The following NEK1 variants were observed in gnomAD, a reference collection of about 807,000 sequenced individuals.
The protein encoded by NEK1 is NIMA related kinase 1, also known as serine/threonine-protein kinase Nek1.
In NEK1, 137 loss-of-function variants were observed where a neutral mutation model predicts 182.1. That is an observed-to-expected ratio of 0.75 (90% confidence interval 0.65 to 0.87). The LOEUF is 0.87. Ranked by LOEUF, NEK1 falls within the 40% of genes least tolerant of loss-of-function variation. NEK1 has a pLI of 0.00. For missense variants in NEK1, 1,391 were observed against 1,494.4 expected, an observed-to-expected ratio of 0.93 and a Z score of 1.14; for synonymous variants, 513 against 492.2, an observed-to-expected ratio of 1.04 and a Z score of -0.56.
chr4:169,465,324 C>G (rs1261888025), intron 26 of NEK1, among the ~76,000 whole-genome samples: 1 of 152,000 alleles, frequency 6.6e-6, no homozygotes, highest in African/African-American at 2.4e-5. Context: ...CCTGTCCCCC[C>G]CACCACTGGA....
At chr4:169,447,167 GACAA>G (rs1181588047) in intron 27 of NEK1, among the ~76,000 whole-genome samples, 3 of 152,244 alleles carry the variant, frequency 2.0e-5, no homozygotes, top group Admixed American at 6.5e-5. Context: ...AAAGGTCAAA[GACAA>G]ACAAAGGAGA....
intron 26 of NEK1, among the ~76,000 whole-genome samples, chr4:169,473,436 T>C (rs1746383658): frequency 6.6e-6 from 1 of 152,124 alleles, no homozygotes; most frequent in Non-Finnish European, 1.5e-5. Context: ...CCATGTTCAC[T>C]ATTTTGAGTG....
In NEK1 at chr4:169,424,691, A is replaced by AGG; in HGVS notation, c.3082_3083dup (p.Gln1029LeufsTer33). On this transcript the variant is annotated frameshift_variant, in exon 31 of 36. Transcript: ENST00000507142. LOFTEE classifies it high-confidence loss of function. ...GTGAACACTGAACTGATTGAACTTG[A>AGG]GGGACTAAGTTCAAGTGTTCAGAAT... is the stretch of plus-strand genomic sequence containing the variant. 1 of 1,613,886 alleles carries AGG rather than the reference A, an allele frequency of 6.2e-7. No homozygotes were observed. Among genetic ancestry groups the AGG allele is most frequent in the South Asian group, 1.1e-5 (1 of 91,074 alleles).
intron 27 of NEK1, among the ~76,000 whole-genome samples, chr4:169,453,958 C>G (rs1742343212): frequency 6.6e-6 from 1 of 152,156 alleles, no homozygotes; most frequent in Non-Finnish European, 1.5e-5. Context: ...ACCAAAACAG[C>G]ATGGTACTGG....
chr4:169,401,243 AAG>A (rs1731627806), intron 33 of NEK1, among the ~76,000 whole-genome samples: 1 of 152,238 alleles, frequency 6.6e-6, no homozygotes, highest in East Asian at 1.9e-4. Context: ...AATATTATGA[AAG>A]AGAAAGTTTA....
intron 29 of NEK1, among the ~76,000 whole-genome samples, chr4:169,428,351 G>GAGATATATATATATATATATATATAT: frequency 1.1e-5 from 1 of 93,246 alleles, no homozygotes; most frequent in African/African-American, 3.3e-5. Flanking sequence ...AAATATATGG[G>GAGATATATATATATATATATATATAT]ATATATATAT....
intron 31 of NEK1, among the ~76,000 whole-genome samples, chr4:169,407,192 G>C (rs1041244560): frequency 6.6e-6 from 1 of 152,100 alleles, no homozygotes; most frequent in Non-Finnish European, 1.5e-5. Flanking sequence ...CCGCTTTCAC[G>C]GTGTTTCTGC....
intron 12 of NEK1, among the ~76,000 whole-genome samples, chr4:169,567,601 T>C (rs1176355782): frequency 6.6e-6 from 1 of 152,192 alleles, no homozygotes; most frequent in Non-Finnish European, 1.5e-5. Context: ...GGTTTTACCA[T>C]GTTGGTTAGG....
At chr4:169,512,430 TA>T (rs1754345796) in intron 19 of NEK1, among the ~76,000 whole-genome samples, 1 of 152,150 alleles carries the variant, frequency 6.6e-6, no homozygotes, top group South Asian at 2.1e-4. Context: ...ATGTTTTGTA[TA>T]AATTTTCCTC....
chr4:169,476,887 T>G (rs977828112), intron 26 of NEK1, among the ~76,000 whole-genome samples: 1 of 152,060 alleles, frequency 6.6e-6, no homozygotes, highest in Admixed American at 6.6e-5. Flanking sequence ...TCTCTCACAC[T>G]ATACACTTTT....
chr4:169,433,796 T>A (rs1737871483), intron 28 of NEK1, 131 bp from the exon 29 acceptor site: 2 of 857,752 alleles, frequency 2.3e-6, no homozygotes, highest in Non-Finnish European at 3.5e-6. Flanking sequence ...AAATTAAGTA[T>A]TCTCTCTATA....
intron 26 of NEK1, among the ~76,000 whole-genome samples, chr4:169,470,693 G>C (rs1210172634): frequency 6.6e-6 from 1 of 152,194 alleles, no homozygotes; most frequent in Non-Finnish European, 1.5e-5. Flanking sequence ...AGTTCTCCTG[G>C]ATAATACCTT....
In NEK1 at chr4:169,562,193, G is replaced by A; in HGVS notation, c.1024C>T (p.His342Tyr). ...TTCACTCTCTTCTCTGGAGTTTGAT[G>A]GGCCTGGACAAAAAGTAAAACTACA... Reference protein sequence around the residue: ...KKPLQKHKQAHQTPEKRVNTG... With the variant: ...KKPLQKHKQAYQTPEKRVNTG... Residue 342 changes from histidine to tyrosine, a missense_variant, in exon 13 of 36, where the codon CAT becomes TAT. This residue lies in a region of NEK1 where 1,216 missense variants were observed against 1,277.6 expected (regional missense o/e 0.95). Transcript: ENST00000507142. 2 of 1,533,796 alleles carry A rather than the reference G, an allele frequency of 1.3e-6. No homozygotes were observed. The highest frequency in any genetic ancestry group is 1.4e-5 in the African/African-American group (1 of 72,060).
intron 11 of NEK1, among the ~76,000 whole-genome samples, chr4:169,578,394 G>A (rs1279802250): frequency 2.6e-5 from 4 of 152,080 alleles, no homozygotes; most frequent in Non-Finnish European, 4.4e-5. Context: ...TCTAGCTCAG[G>A]ATTTTATATT....
intron 11 of NEK1, 58 bp downstream of exon 11, chr4:169,580,783 GT>G: frequency 9.9e-7 from 1 of 1,013,974 alleles, no homozygotes; most frequent in Non-Finnish European, 1.5e-6. Flanking sequence ...TATATTTCCA[GT>G]TTAATTAGGG....
chr4:169,592,933 A>G (rs1768788387), intron 5 of NEK1, among the ~76,000 whole-genome samples: 1 of 152,172 alleles, frequency 6.6e-6, no homozygotes, highest in African/African-American at 2.4e-5. Flanking sequence ...AACAAGGGAG[A>G]GGTCAGGAAA....
intron 26 of NEK1, among the ~76,000 whole-genome samples, chr4:169,474,303 A>C (rs1347747947): frequency 1.3e-5 from 2 of 152,208 alleles, no homozygotes; most frequent in Non-Finnish European, 2.9e-5. Flanking sequence ...AGTTGCAATG[A>C]AAACCAATTA....
At chr4:169,580,657 G>C (rs1013412056) in intron 11 of NEK1, among the ~76,000 whole-genome samples, 185 bp downstream of exon 11, 1 of 151,866 alleles carries the variant, frequency 6.6e-6, no homozygotes, top group African/African-American at 2.4e-5. Flanking sequence ...AACAATAAAT[G>C]AGAATGTTAT....
At chr4:169,506,970 G>GTAC in intron 23 of NEK1, 67 bp downstream of exon 23, 1 of 996,228 alleles carries the variant, frequency 1.0e-6, no homozygotes, top group East Asian at 2.6e-5. Flanking sequence ...TAATACTGAT[G>GTAC]TACTACCCAG....
Sources: allele counts gnomAD v4.1 joint callset (sites outside exome capture counted in the v4.1 genomes callset), GRCh38; gene constraint gnomAD v4.1.1; regional missense constraint gnomAD v4.1.1; transcripts MANE v1.5; gene names NCBI Gene and HGNC (gene_info 2026-07-23, HGNC 2026-07-21).